The following HPSE2 variants were observed in gnomAD, a reference collection of about 807,000 sequenced individuals.
HPSE2 encodes the protein heparanase 2 (inactive), also known as inactive heparanase-2.
HPSE2 carries 38 observed loss-of-function variants against 60.5 expected under a neutral mutation model. That is an observed-to-expected ratio of 0.63 (90% CI 0.48 to 0.82). HPSE2 has a LOEUF of 0.82. Ranked by LOEUF, HPSE2 falls within the 40% of genes least tolerant of loss-of-function variation. HPSE2 has a pLI of 0.00. For missense variants in HPSE2, 713 were observed against 740.4 expected (o/e 0.96, Z 0.43); for synonymous variants, 295 against 293.2 (o/e 1.01, Z -0.06).
At chr10:99,142,963 CG>C (rs140340380) in intron 3 of HPSE2, among the ~76,000 whole-genome samples, 1,718 of 152,134 alleles carry the variant, frequency 0.011, 35 homozygotes, top group African/African-American at 0.039. Flanking sequence ...CACACACGCA[CG>C]TATTTATACA....
chr10:98,982,045 T>C (rs1394188689), intron 3 of HPSE2, among the ~76,000 whole-genome samples: 1 of 152,146 alleles, frequency 6.6e-6, no homozygotes, highest in African/African-American at 2.4e-5. Flanking sequence ...CTATCCTTTT[T>C]TTTTTTCAAA....
At chr10:98,854,958 G>A (rs1374964851) in intron 3 of HPSE2, among the ~76,000 whole-genome samples, 1 of 152,020 alleles carries the variant, frequency 6.6e-6, no homozygotes, top group African/African-American at 2.4e-5. Flanking sequence ...TTAGGATACG[G>A]GAAGCTATAA....
At chr10:98,570,382 C>G (rs1034167037) in intron 9 of HPSE2, among the ~76,000 whole-genome samples, 2 of 144,212 alleles carry the variant, frequency 1.4e-5, no homozygotes, top group African/African-American at 5.8e-5. Flanking sequence ...GCTGTCTTCT[C>G]TTCTTTAAGA....
At chr10:99,300,428 C>T in the HPSE2 span, among the ~76,000 whole-genome samples, 3 of 152,276 alleles carry the variant, frequency 2.0e-5, no homozygotes, top group Non-Finnish European at 1.5e-5. Context: ...TCAGATTTAA[C>T]CCATTTCTTA....
chr10:99,007,865 C>A (rs955229268), intron 3 of HPSE2, among the ~76,000 whole-genome samples: 46 of 152,328 alleles, frequency 3.0e-4, no homozygotes, highest in African/African-American at 1.1e-3. Context: ...AGTCTGTAAG[C>A]AGTGGACCTA....
intron 5 of HPSE2, among the ~76,000 whole-genome samples, chr10:98,721,356 T>A (rs1948918008): frequency 6.6e-6 from 1 of 152,114 alleles, no homozygotes; most frequent in South Asian, 2.1e-4. Context: ...TATAAAATGA[T>A]GCTATAAGAT....
At chr10:98,466,129 G>A (rs1235865526) in intron 11 of HPSE2, among the ~76,000 whole-genome samples, 1 of 152,190 alleles carries the variant, frequency 6.6e-6, no homozygotes, top group Non-Finnish European at 1.5e-5. Flanking sequence ...GTTCTGAGGT[G>A]TCAGGGAAGT....
chr10:99,079,703 T>A (rs1387583265), intron 3 of HPSE2, among the ~76,000 whole-genome samples: 1 of 152,068 alleles, frequency 6.6e-6, no homozygotes, highest in African/African-American at 2.4e-5. Context: ...GCATTGGATG[T>A]GTGGTCCAAC....
At chr10:99,069,116 G>C (rs1243845262) in intron 3 of HPSE2, among the ~76,000 whole-genome samples, 5 of 152,116 alleles carry the variant, frequency 3.3e-5, no homozygotes, top group African/African-American at 7.2e-5. Context: ...CATTCTATAA[G>C]TTCAGTACTT....
At chr10:98,795,023 G>GGAAA (rs1950745868) in intron 3 of HPSE2, among the ~76,000 whole-genome samples, 1 of 91,728 alleles carries the variant, frequency 1.1e-5, no homozygotes, top group Non-Finnish European at 2.4e-5. Context: ...AGAGAGAGAA[G>GGAAA]GAAGGAAGGA....
chr10:99,294,770 C>A, the HPSE2 span, among the ~76,000 whole-genome samples: 2 of 151,928 alleles, frequency 1.3e-5, no homozygotes, highest in Admixed American at 1.3e-4. Flanking sequence ...CCTGTCTCTA[C>A]TAAAAATACA....
chr10:98,882,037 A>G (rs1327137050), intron 3 of HPSE2, among the ~76,000 whole-genome samples: 1 of 152,046 alleles, frequency 6.6e-6, no homozygotes, highest in Non-Finnish European at 1.5e-5. Flanking sequence ...ATGGTAAGCT[A>G]GCAGAGGTGA....
intron 3 of HPSE2, among the ~76,000 whole-genome samples, chr10:98,765,505 G>A: frequency 6.6e-6 from 1 of 152,168 alleles, no homozygotes; most frequent in East Asian, 1.9e-4. Context: ...TGTAGCCAAA[G>A]CAGTGCTTAC....
At chr10:98,656,537 G>C (rs1417577770) in intron 6 of HPSE2, among the ~76,000 whole-genome samples, 1 of 152,082 alleles carries the variant, frequency 6.6e-6, no homozygotes, top group Non-Finnish European at 1.5e-5. Context: ...TATTATACCA[G>C]ATATCAGCAT....
chr10:99,109,912 T>C (rs546783596), intron 3 of HPSE2, among the ~76,000 whole-genome samples: 1 of 152,150 alleles, frequency 6.6e-6, no homozygotes, highest in Non-Finnish European at 1.5e-5. Flanking sequence ...TCTACTCATA[T>C]GAAGGATCAA....
intron 3 of HPSE2, among the ~76,000 whole-genome samples, chr10:98,749,466 C>T (rs913945961): frequency 6.7e-6 from 1 of 150,144 alleles, no homozygotes; most frequent in East Asian, 1.9e-4. Flanking sequence ...TGCATATATA[C>T]ATATATACAT....
At position 99,020,556 on chromosome 10, in the gene HPSE2, T is replaced by C. The variant is rs144323631; in HGVS notation, c.610+123682A>G. On this transcript the variant is annotated intron_variant, in intron 3 of 11. Transcript: ENST00000370552. The stretch of plus-strand genomic sequence containing the variant: ...TAGCAGCTTCTCCAGAGCAGGACTT[T>C]CCAAGTTTTTTACCTCCTTTTGCAA... Among the ~76,000 whole-genome samples, 298 of 152,306 alleles carry C rather than the reference T, an allele frequency of 2.0e-3. 4 individuals are homozygous for C. Among genetic ancestry groups the C allele is most frequent in the Non-Finnish European group, 3.5e-3 (236 of 68,020 alleles).
intron 3 of HPSE2, among the ~76,000 whole-genome samples, chr10:98,837,825 G>A (rs1050601384): frequency 1.3e-5 from 2 of 150,926 alleles, no homozygotes; most frequent in Admixed American, 6.6e-5. Flanking sequence ...AGTGAGCCGA[G>A]ATCGTGCCAC....
chr10:99,101,197 C>T (rs550622869), intron 3 of HPSE2, among the ~76,000 whole-genome samples: 1,811 of 152,160 alleles, frequency 0.012, 18 homozygotes, highest in Middle Eastern at 0.017. Flanking sequence ...GACTGGCAAA[C>T]TGTATAAAGA....
Sources: allele counts gnomAD v4.1 joint callset (sites outside exome capture counted in the v4.1 genomes callset), GRCh38; gene constraint gnomAD v4.1.1; transcripts MANE v1.5; gene names NCBI Gene and HGNC (gene_info 2026-07-23, HGNC 2026-07-21).